The following DENND1B variants were observed in gnomAD, a reference collection of about 807,000 sequenced individuals.
DENND1B encodes DENN domain-containing protein 1B.
A neutral mutation model predicts 90.1 loss-of-function variants in DENND1B; 59 were observed. The observed-to-expected ratio is 0.65, with a 90% CI of 0.53 to 0.81. The LOEUF is 0.81. DENND1B is among the 40% of genes least tolerant of loss of function. The pLI, the probability that DENND1B is intolerant of heterozygous loss-of-function variation, is 0.00. For synonymous variants in DENND1B, 337 were observed against 324.6 expected, an observed-to-expected ratio of 1.04 and a Z score of -0.41; for missense variants, 862 against 912.6, an observed-to-expected ratio of 0.94 and a Z score of 0.71.
intron 1 of DENND1B, chr1:197,774,440 A>G (rs1338411728): frequency 6.6e-6 from 1 of 152,212 alleles, no homozygotes; most frequent in African/African-American, 2.4e-5. Context: ...CATGCCTCTA[A>G]GATACCTAGA....
In DENND1B at chr1:197,540,056, A is replaced by C. The variant is rs760794978; in HGVS notation, c.1423T>G (p.Tyr475Asp). The C allele has an allele frequency of 1.2e-6, 2 of 1,606,552 alleles. No individual in the cohort carries two copies. Among genetic ancestry groups the C allele is most frequent in the South Asian group, 2.2e-5 (2 of 89,126 alleles). The change falls in exon 20 of 23, where the codon TAT becomes GAT. Residue 475 changes from tyrosine (Y) to aspartate (D), a missense_variant. By Grantham distance (160) the Tyr-to-Asp change is radical. Transcript: ENST00000620048. ...KLKHKENEED[Y>D]GTCSSSVQYT... ...TGTACAGAACTAGAACAGGTCCCAT[A>C]ATCTTCTTCATTTTCCTACACATGA...
chr1:197,734,804 T>C (rs1007388067), intron 2 of DENND1B: 1 of 983,896 alleles, frequency 1.0e-6, no homozygotes, highest in African/African-American at 1.7e-5. Context: ...AATATGCTTT[T>C]TTTTTAACCT....
intron 6 of DENND1B, among the ~76,000 whole-genome samples, chr1:197,657,596 G>A (rs1236736335): frequency 6.6e-6 from 1 of 152,110 alleles, no homozygotes; most frequent in Non-Finnish European, 1.5e-5. Context: ...GCGAGTATTG[G>A]CAAGATTGTG....
chr1:197,617,071 G>A (rs1677716130), intron 11 of DENND1B, among the ~76,000 whole-genome samples: 1 of 150,970 alleles, frequency 6.6e-6, no homozygotes, highest in African/African-American at 2.4e-5. Context: ...CTAATGCCAG[G>A]AAACTTTTCA....
At chr1:197,595,500 T>C (rs749883631) in intron 13 of DENND1B, among the ~76,000 whole-genome samples, 167 bp from the exon 14 acceptor site, 1 of 152,108 alleles carries the variant, frequency 6.6e-6, no homozygotes, top group Non-Finnish European at 1.5e-5. Flanking sequence ...GGTCTGTTAA[T>C]TGAAACGAAA....
chr1:197,563,041 T>C (rs1558244316), intron 15 of DENND1B, among the ~76,000 whole-genome samples: 1 of 151,850 alleles, frequency 6.6e-6, no homozygotes, highest in Non-Finnish European at 1.5e-5. Context: ...TAGGAGAAAA[T>C]TATGAAGGTA....
chr1:197,506,543 C>T lies in DENND1B; in HGVS notation c.*3917G>A, dbSNP rs1481780076. On this transcript the variant is annotated 3_prime_UTR_variant, in exon 23 of 23. Transcript: ENST00000620048. ...AAGAAAATTTATTCATGAAAATAAT[C>T]AGTCTTTTCCTGAAAATCCACATTT... 6.6e-6 allele frequency: 1 copy of T among 151,372 alleles called. No individual in the cohort carries two copies. The highest frequency in any genetic ancestry group is 2.4e-5 in the African/African-American group (1 of 41,342). The allele number at this position is 151,372 out of a possible 1,614,324, so 9.4% of individuals were successfully genotyped here.
intron 10 of DENND1B, among the ~76,000 whole-genome samples, chr1:197,633,674 A>C (rs1158327777): frequency 2.0e-5 from 3 of 152,154 alleles, no homozygotes; most frequent in Non-Finnish European, 4.4e-5. Context: ...GGTTTCCCTC[A>C]GCATTCCCCT....
At chr1:197,612,321 T>C (rs1224399205) in intron 11 of DENND1B, among the ~76,000 whole-genome samples, 1 of 150,700 alleles carries the variant, frequency 6.6e-6, no homozygotes, top group Non-Finnish European at 1.5e-5. Flanking sequence ...GTATACCTCA[T>C]AGCAAATATA....
At chr1:197,674,079 A>G (rs922749848) in intron 4 of DENND1B, 41 bp downstream of exon 4, 6 of 1,385,456 alleles carry the variant, frequency 4.3e-6, no homozygotes, top group East Asian at 2.4e-5. Context: ...AGTATGTACT[A>G]TAAGAATCTA....
Position 197,672,084 on chromosome 1 carries a change from T to C in DENND1B, c.249A>G (p.Gly83=), listed in dbSNP as rs1322993841. ...TGCCTCCTGACGTCAGTCTGCAGAA[T>C]CCAAATCTCTGTTTACTTTCAATGT... ...LTDIESKQRF[G]FCRLTSGGTI... The change falls in exon 5 of 23, where the codon GGA becomes GGG. Residue 83 remains glycine, a synonymous_variant. Transcript: ENST00000620048. The C allele has an allele frequency of 1.2e-6, 2 of 1,612,842 alleles. No homozygotes were observed. The highest frequency in any genetic ancestry group is 2.2e-5 in the South Asian group (2 of 91,024).
intron 2 of DENND1B, among the ~76,000 whole-genome samples, chr1:197,717,718 G>A (rs1004094226): frequency 2.0e-5 from 3 of 151,802 alleles, no homozygotes; most frequent in African/African-American, 7.3e-5. Context: ...GATAAAGTCA[G>A]CAATATTTTA....
At chr1:197,774,202 T>C (rs1338477123) in intron 1 of DENND1B, among the ~76,000 whole-genome samples, 1 of 152,118 alleles carries the variant, frequency 6.6e-6, no homozygotes. Context: ...AAAATAATTC[T>C]ATTACATAAT....
intron 5 of DENND1B, among the ~76,000 whole-genome samples, chr1:197,670,093 C>T (rs190076337): frequency 1.4e-4 from 17 of 121,168 alleles, no homozygotes; most frequent in African/African-American, 5.1e-4. Context: ...TTATATTATT[C>T]TTTCAGTCGA....
chr1:197,694,974 C>T (rs1658281716), intron 3 of DENND1B, among the ~76,000 whole-genome samples: 1 of 151,082 alleles, frequency 6.6e-6, no homozygotes, highest in Admixed American at 6.6e-5. Flanking sequence ...ATGAAATATT[C>T]CAGCAAATAC....
At chr1:197,761,085 T>C (rs1475102490) in intron 2 of DENND1B, among the ~76,000 whole-genome samples, 1 of 152,190 alleles carries the variant, frequency 6.6e-6, no homozygotes, top group Non-Finnish European at 1.5e-5. Flanking sequence ...TTATTGTCAG[T>C]GATTACTCTG....
chr1:197,641,281 A>T (rs930088220), intron 10 of DENND1B, among the ~76,000 whole-genome samples: 6 of 152,208 alleles, frequency 3.9e-5, no homozygotes, highest in Non-Finnish European at 8.8e-5. Context: ...TCTTAAAAAA[A>T]AATCATGTTT....
At chr1:197,571,942 A>C (rs1481365157) in intron 15 of DENND1B, among the ~76,000 whole-genome samples, 2 of 152,158 alleles carry the variant, frequency 1.3e-5, no homozygotes, top group African/African-American at 4.8e-5. Flanking sequence ...TAAAGGAGGG[A>C]TCAGTTCCAA....
intron 10 of DENND1B, among the ~76,000 whole-genome samples, chr1:197,640,100 T>G (rs918475851): frequency 4.6e-5 from 7 of 152,272 alleles, no homozygotes; most frequent in African/African-American, 1.7e-4. Flanking sequence ...TGATAACAAT[T>G]TGTTTTTAAA....
Sources: gnomAD v4.1 joint callset for allele counts (sites outside exome capture counted in the v4.1 genomes callset) on GRCh38, gnomAD v4.1.1 for gene constraint, MANE v1.5 for transcripts, NCBI Gene and HGNC (gene_info 2026-07-23, HGNC 2026-07-21) for gene names.